LAMA2: variants seen among roughly 807,000 people sequenced by gnomAD.
LAMA2 encodes the protein laminin subunit alpha 2, also known as laminin subunit alpha-2.
Under a neutral mutation model 364.8 loss-of-function variants are expected in LAMA2, and 269 were observed. That is an observed-to-expected ratio of 0.74 (90% CI 0.67 to 0.82). The LOEUF is 0.82. LAMA2 is among the 40% of genes least tolerant of loss of function. The pLI is 0.00. For missense variants in LAMA2, 3,807 were observed against 3,873.2 expected (o/e 0.98, Z 0.45); for synonymous variants, 1,379 against 1,370.6 (o/e 1.01, Z -0.14).
intron 10 of LAMA2, among the ~76,000 whole-genome samples, chr6:129,189,002 A>C (rs1781383429): frequency 6.6e-6 from 1 of 152,088 alleles, no homozygotes. Flanking sequence ...CATGACTGCC[A>C]AGAGATTTAT....
At chr6:128,994,526 G>A (rs745737453) in intron 1 of LAMA2, among the ~76,000 whole-genome samples, 2 of 152,144 alleles carry the variant, frequency 1.3e-5, no homozygotes, top group Non-Finnish European at 2.9e-5. Context: ...GATTGAACCT[G>A]TATAGGTTTA....
intron 12 of LAMA2, among the ~76,000 whole-genome samples, chr6:129,219,472 A>C (rs1186702137): frequency 1.3e-5 from 2 of 151,780 alleles, no homozygotes; most frequent in Non-Finnish European, 2.9e-5. Context: ...CCATCCCATT[A>C]CTGGGTATGT....
intron 2 of LAMA2, among the ~76,000 whole-genome samples, chr6:129,052,260 C>T (rs1332963065): frequency 1.3e-5 from 2 of 151,392 alleles, no homozygotes; most frequent in Non-Finnish European, 2.9e-5. Context: ...CTCAGCCTCC[C>T]CAGCAGCTGG....
At chr6:129,275,613 G>T (rs540530939) in intron 17 of LAMA2, among the ~76,000 whole-genome samples, 1 of 151,556 alleles carries the variant, frequency 6.6e-6, no homozygotes, top group East Asian at 2.0e-4. Context: ...TAACAGCTAT[G>T]TTAATATAAG....
chr6:128,948,593 C>T (rs1276133973), intron 1 of LAMA2, among the ~76,000 whole-genome samples: 1 of 152,106 alleles, frequency 6.6e-6, no homozygotes, highest in Non-Finnish European at 1.5e-5. Flanking sequence ...TGCATGTTTG[C>T]CCCCTTCAAA....
chr6:129,387,093 C>A (rs896134532), intron 35 of LAMA2, among the ~76,000 whole-genome samples: 1 of 150,526 alleles, frequency 6.6e-6, no homozygotes, highest in Non-Finnish European at 1.5e-5. Context: ...ACAGTGATGT[C>A]CTATAGAAAC....
At chr6:129,284,690 C>T (rs1218793483) in intron 18 of LAMA2, among the ~76,000 whole-genome samples, 3 of 152,048 alleles carry the variant, frequency 2.0e-5, no homozygotes, top group Non-Finnish European at 2.9e-5. Context: ...AAAGTCTCAT[C>T]AGTGTGGTTG....
intron 10 of LAMA2, 104 bp downstream of exon 10, chr6:129,177,970 G>A (rs1583196753): frequency 8.6e-7 from 1 of 1,163,840 alleles, no homozygotes; most frequent in Non-Finnish European, 1.3e-6. Context: ...ATGACTTCTG[G>A]AAGTATCCAT....
chr6:129,140,181 A>G, intron 4 of LAMA2, among the ~76,000 whole-genome samples: 1 of 152,142 alleles, frequency 6.6e-6, no homozygotes, highest in Non-Finnish European at 1.5e-5. Context: ...ATTTTTTAAA[A>G]TGTATTCTAA....
At chr6:129,179,653 A>G (rs1780814741) in intron 10 of LAMA2, among the ~76,000 whole-genome samples, 1 of 152,178 alleles carries the variant, frequency 6.6e-6, no homozygotes, top group Non-Finnish European at 1.5e-5. Context: ...AAATGCAACA[A>G]TAAACAGCAA....
chr6:129,057,634 C>T (rs760949404), intron 2 of LAMA2, among the ~76,000 whole-genome samples: 2 of 151,970 alleles, frequency 1.3e-5, no homozygotes, highest in Admixed American at 6.6e-5. Context: ...TTTTGTTATT[C>T]CTAGATCAGA....
chr6:129,113,857 T>G (rs997112288), intron 4 of LAMA2, among the ~76,000 whole-genome samples: 12 of 151,938 alleles, frequency 7.9e-5, no homozygotes, highest in African/African-American at 2.9e-4. Flanking sequence ...CCTCAGCTGT[T>G]CCATGGTAAG....
At chr6:129,442,456 A>G (rs968271688) in intron 43 of LAMA2, among the ~76,000 whole-genome samples, 1 of 152,216 alleles carries the variant, frequency 6.6e-6, no homozygotes, top group Non-Finnish European at 1.5e-5. Context: ...CCCACTAAAA[A>G]TGAATGAAAA....
chr6:128,941,315 G>A (rs899476661), intron 1 of LAMA2, among the ~76,000 whole-genome samples: 7 of 152,178 alleles, frequency 4.6e-5, no homozygotes, highest in African/African-American at 1.7e-4. Flanking sequence ...ATAGAAGTAA[G>A]TAGAATGAGG....
chr6:129,436,828 T>A (rs1171776666), intron 41 of LAMA2: 1 of 152,162 alleles, frequency 6.6e-6, no homozygotes, highest in Non-Finnish European at 1.5e-5. Flanking sequence ...TTATGTATGT[T>A]TATTTTATTG....
chr6:129,342,316 A>G lies in LAMA2; in HGVS notation c.4312-27A>G, dbSNP rs766823558. On this transcript the variant is annotated intron_variant, in intron 29 of 64. Transcript: ENST00000421865. Reference sequence around the variant, plus strand: ...TTCTAACTATCACTAAATTAAAAACAAACTTCTTCTCCCTTTTCCTTTACA... The same window carrying G: ...TTCTAACTATCACTAAATTAAAAACGAACTTCTTCTCCCTTTTCCTTTACA... 6.2e-6 allele frequency: 10 copies of G among 1,607,758 alleles called. No individual in the cohort carries two copies. In the Admixed American group the frequency reaches 1.5e-4, roughly 24 times the overall value.
chr6:128,895,290 T>C (rs1776698446), intron 1 of LAMA2, among the ~76,000 whole-genome samples: 2 of 151,986 alleles, frequency 1.3e-5, no homozygotes, highest in Admixed American at 1.3e-4. Context: ...GTAGAGATAG[T>C]GTACTTACCC....
Position 129,473,203 on chromosome 6 carries a change from CT to C in LAMA2, c.7301-10del. 1 of 1,574,206 alleles carries C rather than the reference CT, an allele frequency of 6.4e-7. No homozygotes were observed. The highest frequency in any genetic ancestry group is 8.7e-7 in the Non-Finnish European group (1 of 1,145,174). On this transcript the variant is annotated splice_polypyrimidine_tract_variant and intron_variant, in intron 51 of 64. Transcript: ENST00000421865. The stretch of plus-strand genomic sequence containing the variant: ...TCAAATAAAATGTTAAACTTTCTTT[CT>C]CCTTTACAGCCAATATATCAATTGT...
At chr6:129,238,734 TC>T (rs573461147) in intron 12 of LAMA2, among the ~76,000 whole-genome samples, 27 of 152,144 alleles carry the variant, frequency 1.8e-4, no homozygotes, top group Non-Finnish European at 3.7e-4. Flanking sequence ...CCACGATTGC[TC>T]CATCTATACA....
Sources: gnomAD v4.1 joint callset for allele counts (sites outside exome capture counted in the v4.1 genomes callset) on GRCh38, gnomAD v4.1.1 for gene constraint, MANE v1.5 for transcripts, NCBI Gene and HGNC (gene_info 2026-07-23, HGNC 2026-07-21) for gene names.